Variants in RABGAP1L observed in about 807,000 individuals in gnomAD.
The protein encoded by RABGAP1L is RAB GTPase activating protein 1 like, also known as rab GTPase-activating protein 1-like.
RABGAP1L carries 63 observed loss-of-function variants against 137.7 expected under a neutral mutation model. The observed-to-expected ratio is 0.46, with a 90% CI of 0.37 to 0.56. The LOEUF is 0.56. RABGAP1L is among the 20% of genes least tolerant of loss of function. The pLI is 0.00. For missense variants in RABGAP1L, 1,095 were observed against 1,244.0 expected (o/e 0.88, Z 1.80); for synonymous variants, 431 against 433.7 (o/e 0.99, Z 0.08).
At chr1:174,383,884 G>T (rs894437060) in intron 12 of RABGAP1L, among the ~76,000 whole-genome samples, 1 of 152,096 alleles carries the variant, frequency 6.6e-6, no homozygotes, top group Non-Finnish European at 1.5e-5. Context: ...AAATAGCATG[G>T]TATTTTATAA....
chr1:174,940,327 C>T (rs1040937466), intron 19 of RABGAP1L, among the ~76,000 whole-genome samples: 3 of 151,014 alleles, frequency 2.0e-5, no homozygotes, highest in African/African-American at 7.3e-5. Context: ...TGCAGTTGCA[C>T]GATCAATCAT....
chr1:174,488,549 T>C (rs1007936323), intron 13 of RABGAP1L, among the ~76,000 whole-genome samples: 14 of 152,160 alleles, frequency 9.2e-5, no homozygotes, highest in African/African-American at 3.4e-4. Flanking sequence ...TAGCTTCTTG[T>C]ACTTGGATTT....
At chr1:174,718,096 C>T (rs1681173137) in intron 17 of RABGAP1L, among the ~76,000 whole-genome samples, 1 of 152,190 alleles carries the variant, frequency 6.6e-6, no homozygotes, top group South Asian at 2.1e-4. Context: ...TTTCTCCTTA[C>T]TTATTCCTCC....
chr1:174,726,905 A>G (rs1357391451), intron 17 of RABGAP1L, among the ~76,000 whole-genome samples: 1 of 152,196 alleles, frequency 6.6e-6, no homozygotes, highest in East Asian at 1.9e-4. Context: ...ACTTACATGA[A>G]TCACAAGATT....
chr1:174,242,099 T>A (rs900608671), intron 5 of RABGAP1L, among the ~76,000 whole-genome samples: 1 of 152,234 alleles, frequency 6.6e-6, no homozygotes, highest in African/African-American at 2.4e-5. Context: ...ATCTCTGTGG[T>A]TTTCATTGAT....
At chr1:174,559,982 A>C (rs2148013043) in intron 13 of RABGAP1L, among the ~76,000 whole-genome samples, 1 of 152,250 alleles carries the variant, frequency 6.6e-6, no homozygotes, top group African/African-American at 2.4e-5. Context: ...AAAAATAGAA[A>C]AAATTAGCCA....
At chr1:174,328,991 A>G (rs1680788274) in intron 11 of RABGAP1L, among the ~76,000 whole-genome samples, 2 of 151,868 alleles carry the variant, frequency 1.3e-5, no homozygotes, top group South Asian at 2.1e-4. Context: ...GAAGGAAAGA[A>G]ATAATAAGGA....
At chr1:174,232,773 A>T (rs536864080) in intron 4 of RABGAP1L, among the ~76,000 whole-genome samples, 89 of 152,000 alleles carry the variant, frequency 5.9e-4, no homozygotes, top group African/African-American at 1.1e-3. Context: ...AAAAAAAAAA[A>T]AATAAGTCAG....
At chr1:174,588,927 C>T (rs948278184) in intron 13 of RABGAP1L, among the ~76,000 whole-genome samples, 1 of 152,172 alleles carries the variant, frequency 6.6e-6, no homozygotes, top group Non-Finnish European at 1.5e-5. Flanking sequence ...GCAGATATCT[C>T]TTCAACATAG....
At chr1:174,477,954 C>T (rs995748202) in intron 13 of RABGAP1L, among the ~76,000 whole-genome samples, 3 of 151,888 alleles carry the variant, frequency 2.0e-5, no homozygotes, top group African/African-American at 7.2e-5. Flanking sequence ...AGATAGGATT[C>T]TCATAGGTGA....
intron 11 of RABGAP1L, among the ~76,000 whole-genome samples, chr1:174,327,996 T>TATATATATATATATATATATACAC (rs1571239377): frequency 1.1e-5 from 1 of 91,560 alleles, no homozygotes; most frequent in Non-Finnish European, 2.1e-5. Context: ...CATATATATA[T>TATATATATATATATATATATACAC]ATATATATAT....
intron 19 of RABGAP1L, among the ~76,000 whole-genome samples, chr1:174,930,415 T>C (rs577771419): frequency 1.3e-5 from 2 of 151,762 alleles, no homozygotes; most frequent in African/African-American, 2.4e-5. Context: ...CTTCCTGGGC[T>C]CAAGCAGTCC....
chr1:174,976,329 T>C, intron 22 of RABGAP1L, 147 bp downstream of exon 22: 1 of 670,756 alleles, frequency 1.5e-6, no homozygotes, highest in Non-Finnish European at 2.4e-6. Context: ...TTACTCAACA[T>C]TTTTGTTCAA....
chr1:174,908,703 C>T (rs1284093626), intron 19 of RABGAP1L, among the ~76,000 whole-genome samples: 12 of 150,950 alleles, frequency 7.9e-5, no homozygotes, highest in East Asian at 2.0e-4. Flanking sequence ...CCACTACACC[C>T]GGCTAATTTT....
At chr1:174,681,971 TGA>T (rs1427516922) in intron 14 of RABGAP1L, among the ~76,000 whole-genome samples, 1 of 152,148 alleles carries the variant, frequency 6.6e-6, no homozygotes, top group African/African-American at 2.4e-5. Context: ...TAGTATTCTT[TGA>T]GAGTCTTTTA....
intron 10 of RABGAP1L, among the ~76,000 whole-genome samples, chr1:174,285,029 G>A (rs545901822): frequency 6.6e-6 from 1 of 151,204 alleles, no homozygotes; most frequent in Admixed American, 6.6e-5. Context: ...GTTTTTTGTT[G>A]TTTTGTGATG....
chr1:174,819,470 C>T (rs1690793843), intron 19 of RABGAP1L, among the ~76,000 whole-genome samples: 1 of 152,102 alleles, frequency 6.6e-6, no homozygotes, highest in African/African-American at 2.4e-5. Flanking sequence ...ATGGAATTCA[C>T]AGTGTTAATT....
At chr1:174,547,899 T>C in intron 13 of RABGAP1L, 2 of 1,549,728 alleles carry the variant, frequency 1.3e-6, no homozygotes, top group East Asian at 2.4e-5. Context: ...ATGAAGGGTC[T>C]ATGAAGGTCT....
At chr1:174,632,120 CTGT>C (rs1673446947) in intron 13 of RABGAP1L, among the ~76,000 whole-genome samples, 2 of 127,800 alleles carry the variant, frequency 1.6e-5, no homozygotes, top group African/African-American at 6.1e-5. Flanking sequence ...ATTTGCTTGT[CTGT>C]AAAGTATTTT....
Sources: allele counts gnomAD v4.1 joint callset (sites outside exome capture counted in the v4.1 genomes callset), GRCh38; gene constraint gnomAD v4.1.1; transcripts MANE v1.5; gene names NCBI Gene and HGNC (gene_info 2026-07-23, HGNC 2026-07-21).